The following IKZF2 variants were observed in gnomAD, a reference collection of about 807,000 sequenced individuals.
The protein encoded by IKZF2 is zinc finger protein Helios.
A neutral mutation model predicts 49.2 loss-of-function variants in IKZF2; 15 were observed. That is an observed-to-expected ratio of 0.30 (90% CI 0.20 to 0.47). The LOEUF (loss-of-function observed/expected upper bound fraction) is 0.47. IKZF2 is among the 20% of genes least tolerant of loss of function. IKZF2 has a pLI of 1.00. For synonymous variants in IKZF2, 227 were observed against 221.4 expected, an observed-to-expected ratio of 1.03 and a Z score of -0.23; for missense variants, 567 against 664.6, an observed-to-expected ratio of 0.85 and a Z score of 1.61.
rs528609670 is a variant in IKZF2, at chr2:213,102,835, CAA to C, written c.139+44871_139+44872del. On this transcript the variant is annotated intron_variant, in intron 4 of 8. Coordinates refer to ENST00000434687, the MANE Select transcript of IKZF2 (RefSeq NM_001387220.1). ...TATTCTGCTGCTCTACAACAGTAAG[CAA>C]AACAGCAAGCATGAAGGCATCAAGA... Among the ~76,000 whole-genome samples the C allele has an allele frequency of 6.2e-3, 947 of 152,002 alleles. 12 individuals carry two copies. The highest frequency in any genetic ancestry group is 0.021 in the African/African-American group (855 of 41,454).
chr2:213,116,983 T>C (rs1231468472), intron 4 of IKZF2, among the ~76,000 whole-genome samples: 1 of 152,198 alleles, frequency 6.6e-6, no homozygotes, highest in Non-Finnish European at 1.5e-5. Flanking sequence ...AAAAAATTCA[T>C]CTAACTGTTG....
At chr2:213,136,385 A>G (rs948960895) in intron 4 of IKZF2, among the ~76,000 whole-genome samples, 10 of 111,236 alleles carry the variant, frequency 9.0e-5, no homozygotes, top group East Asian at 1.9e-3. Context: ...AAAAAAAAAA[A>G]AAAAAAGAAA....
chr2:213,115,123 A>G (rs1015765258), intron 4 of IKZF2, among the ~76,000 whole-genome samples: 7 of 152,198 alleles, frequency 4.6e-5, no homozygotes, highest in African/African-American at 9.7e-5. Flanking sequence ...AATCGCATAC[A>G]TTATAATAAA....
At chr2:213,073,411 A>G (rs1246063342) in intron 4 of IKZF2, among the ~76,000 whole-genome samples, 1 of 152,206 alleles carries the variant, frequency 6.6e-6, no homozygotes, top group Non-Finnish European at 1.5e-5. Flanking sequence ...GAAGTATACA[A>G]AAATTAAACA....
chr2:213,053,057 T>C (rs897949380), intron 5 of IKZF2, among the ~76,000 whole-genome samples: 18 of 152,140 alleles, frequency 1.2e-4, no homozygotes, highest in Non-Finnish European at 1.9e-4. Flanking sequence ...AAAAAAATAT[T>C]AATCATGTTC....
intron 7 of IKZF2, among the ~76,000 whole-genome samples, chr2:213,020,502 A>G (rs369733096): frequency 5.3e-5 from 8 of 152,118 alleles, no homozygotes; most frequent in African/African-American, 1.9e-4. Flanking sequence ...TCCAGATCCT[A>G]TGCTATCATC....
chr2:213,125,830 A>T (rs546121961), intron 4 of IKZF2, among the ~76,000 whole-genome samples: 6 of 152,318 alleles, frequency 3.9e-5, no homozygotes, highest in East Asian at 1.9e-4. Flanking sequence ...ATTAAAAAAA[A>T]ATCCTAAATG....
chr2:213,017,236 C>T lies in IKZF2; in HGVS notation c.713-3302G>A, dbSNP rs139017348. Among the ~76,000 whole-genome samples, 611 of 152,074 alleles carry T rather than the reference C, an allele frequency of 4.0e-3. 4 individuals carry two copies. The highest frequency in any genetic ancestry group is 7.1e-3 in the Non-Finnish European group (482 of 67,978). On this transcript the variant is annotated intron_variant, in intron 7 of 8. Transcript: ENST00000434687. ...TCTCACTCTGTACTTATCCGTATTG[C>T]CTTATTAAAAACTACTACGTTGGGC... is the stretch of plus-strand genomic sequence containing the variant.
chr2:213,046,838 C>G (rs1700195822), intron 6 of IKZF2, among the ~76,000 whole-genome samples: 1 of 151,976 alleles, frequency 6.6e-6, no homozygotes, highest in South Asian at 2.1e-4. Context: ...GACTCTTTAC[C>G]AGGCTTACCT....
In IKZF2 at chr2:213,150,244, C is replaced by G. The variant is rs1384086483; in HGVS notation, c.-116G>C. The G allele has an allele frequency of 1.3e-5, 15 of 1,168,598 alleles. No individual in the cohort carries two copies. Among genetic ancestry groups the G allele is most frequent in the Non-Finnish European group, 1.7e-5 (15 of 865,822 alleles). 72.4% of individuals were successfully genotyped at this position (1,168,598 alleles called of 1,614,324 possible). A position where few individuals can be genotyped will look rare whatever the true frequency, so the allele number is the denominator to read the frequency against. Reference sequence around the variant, plus strand: ...CCCCTCAAAGAGGAGGTGACAATGTCGGGCTGAAGATAAACGGAGGGAGAA... The same window carrying G: ...CCCCTCAAAGAGGAGGTGACAATGTGGGGCTGAAGATAAACGGAGGGAGAA... On this transcript the variant is annotated 5_prime_UTR_variant, in exon 2 of 9. Coordinates refer to ENST00000434687, the MANE Select transcript of IKZF2 (RefSeq NM_001387220.1).
chr2:213,114,617 A>T (rs1333748303), intron 4 of IKZF2, among the ~76,000 whole-genome samples: 2 of 152,112 alleles, frequency 1.3e-5, no homozygotes, highest in Non-Finnish European at 2.9e-5. Flanking sequence ...TATGATTTTG[A>T]TCAATGCAAA....
chr2:213,084,637 T>G (rs1211808454), intron 4 of IKZF2, among the ~76,000 whole-genome samples: 2 of 151,862 alleles, frequency 1.3e-5, no homozygotes, highest in Non-Finnish European at 2.9e-5. Context: ...CAACTCTCCC[T>G]TTCTTAAGTA....
chr2:213,140,201 G>A (rs16849843), intron 4 of IKZF2, among the ~76,000 whole-genome samples: 316 of 151,918 alleles, frequency 2.1e-3, no homozygotes, highest in African/African-American at 6.9e-3. Context: ...ATGGTGTCTT[G>A]GGTAGTCAGC....
chr2:213,107,340 C>T (rs901079103), intron 4 of IKZF2, among the ~76,000 whole-genome samples: 1 of 152,194 alleles, frequency 6.6e-6, no homozygotes, highest in Non-Finnish European at 1.5e-5. Flanking sequence ...GAGATGATCA[C>T]TGTGAGGTCT....
intron 6 of IKZF2, among the ~76,000 whole-genome samples, chr2:213,037,852 G>C (rs902368213): frequency 7.2e-5 from 11 of 152,112 alleles, no homozygotes; most frequent in African/African-American, 2.7e-4. Context: ...CACCCAGAAA[G>C]TGGGCCAGGT....
chr2:213,001,044 T>G lies in IKZF2; in HGVS notation c.*6316A>C, dbSNP rs1694861546. ...ACTTTTATGAGTTTCTTTTTGTCAT[T>G]AGCTAAAGGAAGAATAGGTCAGAAA... On this transcript the variant is annotated 3_prime_UTR_variant, in exon 9 of 9. Transcript: ENST00000434687. The G allele has an allele frequency of 6.6e-6, 1 of 151,828 alleles. No individual in the cohort carries two copies. Among genetic ancestry groups the G allele is most frequent in the Admixed American group, 6.6e-5 (1 of 15,146 alleles). The allele number at this position is 151,828 out of a possible 1,614,324, so 9.4% of individuals were successfully genotyped here.
rs550304814 is a variant in IKZF2, at chr2:213,098,057, T to C, written c.140-40958A>G. The C allele has an allele frequency of 4.8e-5, 10 of 207,354 alleles. No individual in the cohort carries two copies. The South Asian group carries it at 7.0e-4, about 14-fold the overall frequency. 12.8% of individuals were successfully genotyped at this position (207,354 alleles called of 1,614,324 possible). ...AGTCACAGAAGTTAGGTCAGTGATA[T>C]CATTCTATATCCATGGCTCTAGACC... On this transcript the variant is annotated intron_variant, in intron 4 of 8. Coordinates refer to ENST00000434687, the MANE Select transcript of IKZF2 (RefSeq NM_001387220.1).
intron 1 of IKZF2, 167 bp from the exon 2 acceptor site, chr2:213,150,414 G>A: frequency 7.4e-6 from 2 of 269,910 alleles, no homozygotes; most frequent in Non-Finnish European, 1.5e-5. Flanking sequence ...CAAACAGATC[G>A]GCTGATAAAC....
chr2:213,141,048 G>A (rs995744894), intron 4 of IKZF2, among the ~76,000 whole-genome samples: 3 of 151,748 alleles, frequency 2.0e-5, no homozygotes, highest in East Asian at 1.9e-4. Flanking sequence ...ATCTTTTCCC[G>A]GAAACCTGCT....
Sources: gnomAD v4.1 joint callset for allele counts (sites outside exome capture counted in the v4.1 genomes callset) on GRCh38, gnomAD v4.1.1 for gene constraint, MANE v1.5 for transcripts, NCBI Gene and HGNC (gene_info 2026-07-23, HGNC 2026-07-21) for gene names.